The following DRC11L variants were observed in gnomAD, a reference collection of about 807,000 sequenced individuals.
DRC11L encodes the protein dynein regulatory complex subunit like-11.
the DRC11L span, chr7:151,196,430 C>G: frequency 2.5e-6 from 1 of 399,022 alleles, no homozygotes; most frequent in Non-Finnish European, 4.4e-6. Context: ...CAGGGAAGCC[C>G]TGACCCTGTG....
chr7:151,201,643 T>C, the DRC11L span, among the ~76,000 whole-genome samples: 1 of 152,280 alleles, frequency 6.6e-6, no homozygotes, highest in East Asian at 1.9e-4. This position sits in a 1 kb window ranked among gnomAD's most constrained non-coding sequence, Gnocchi z 4.1. Flanking sequence ...AAGTTCTAAG[T>C]TTTCTCTAGT....
chr7:151,201,411 C>T, the DRC11L span, among the ~76,000 whole-genome samples: 2 of 152,214 alleles, frequency 1.3e-5, no homozygotes, highest in South Asian at 2.1e-4. The surrounding 1 kb of genome is among the most constrained non-coding windows in gnomAD (Gnocchi z 4.1). Context: ...AAGTGGGACT[C>T]CATCTTTGGG....
chr7:151,198,718 G>C, the DRC11L span: 1 of 398,436 alleles, frequency 2.5e-6, no homozygotes, highest in African/African-American at 2.1e-5. Context: ...CCCATGCAGG[G>C]GATGGGGCAG....
chr7:151,198,572 T>C, the DRC11L span, among the ~76,000 whole-genome samples: 19 of 152,172 alleles, frequency 1.2e-4, no homozygotes, highest in South Asian at 3.9e-3. Flanking sequence ...TTCTCTCCCT[T>C]GTGGAATTGA....
the DRC11L span, chr7:151,194,562 A>G: frequency 2.5e-6 from 1 of 399,566 alleles, no homozygotes; most frequent in South Asian, 1.3e-4. Flanking sequence ...TTAGAAGGCC[A>G]GAAATAACAA....
At chr7:151,190,910 C>T in the DRC11L span, 1 of 399,172 alleles carries the variant, frequency 2.5e-6, no homozygotes, top group East Asian at 3.6e-5. Context: ...TGCCTCTGCC[C>T]CATCCCTTTA....
chr7:151,202,400 T>C, the DRC11L span, among the ~76,000 whole-genome samples: 1 of 152,346 alleles, frequency 6.6e-6, no homozygotes, highest in East Asian at 1.9e-4. Context: ...TGTTCTATGC[T>C]ATTATGGATC....
chr7:151,194,172 C>T, the DRC11L span: 6 of 395,902 alleles, frequency 1.5e-5, no homozygotes, highest in African/African-American at 8.2e-5. Flanking sequence ...ACATGTCCAC[C>T]TCAGCCACCC....
the DRC11L span, chr7:151,195,739 G>A: frequency 5.0e-6 from 2 of 398,804 alleles, no homozygotes; most frequent in East Asian, 7.1e-5. Flanking sequence ...GCAGGGATGG[G>A]AAGGAGGGGA....
the DRC11L span, among the ~76,000 whole-genome samples, chr7:151,194,836 G>A: frequency 6.6e-6 from 1 of 152,240 alleles, no homozygotes; most frequent in African/African-American, 2.4e-5. Context: ...CTCTGTAAGA[G>A]GGGTGTGAGG....
chr7:151,205,472 G>A, the DRC11L span: 5 of 398,972 alleles, frequency 1.3e-5, no homozygotes, highest in African/African-American at 6.2e-5. Flanking sequence ...ACTCCTCCAC[G>A]CTGCCCCTTG....
the DRC11L span, among the ~76,000 whole-genome samples, chr7:151,192,098 G>C: frequency 6.6e-6 from 1 of 152,198 alleles, no homozygotes; most frequent in South Asian, 2.1e-4. Flanking sequence ...GGAGGACATA[G>C]ACCACCTGCT....
chr7:151,198,372 G>A, the DRC11L span, among the ~76,000 whole-genome samples: 4 of 151,964 alleles, frequency 2.6e-5, no homozygotes, highest in East Asian at 1.9e-4. Flanking sequence ...TTGGGTAGAC[G>A]GGTGAGTGGA....
the DRC11L span, chr7:151,193,051 T>A: frequency 5.0e-6 from 2 of 397,238 alleles, no homozygotes; most frequent in African/African-American, 4.1e-5. Context: ...GGGAGCTGCA[T>A]ATTCAGTCTC....
chr7:151,191,738 C>T, the DRC11L span: 12 of 399,290 alleles, frequency 3.0e-5, no homozygotes, highest in African/African-American at 1.0e-4. Flanking sequence ...TTGCAGGAAC[C>T]GCCGCTCACT....
At chr7:151,200,874 T>C in the DRC11L span, among the ~76,000 whole-genome samples, 1 of 152,168 alleles carries the variant, frequency 6.6e-6, no homozygotes, top group Non-Finnish European at 1.5e-5. Context: ...TCCTACATTT[T>C]TGACCCAAGG....
the DRC11L span, chr7:151,197,122 A>G: frequency 2.7e-6 from 1 of 366,846 alleles, no homozygotes; most frequent in South Asian, 1.5e-4. Context: ...CCCTAATCTT[A>G]CCTGAACCCA....
At chr7:151,201,737 G>T in the DRC11L span, among the ~76,000 whole-genome samples, 2 of 152,154 alleles carry the variant, frequency 1.3e-5, no homozygotes, top group Non-Finnish European at 2.9e-5. This position sits in a 1 kb window ranked among gnomAD's most constrained non-coding sequence, Gnocchi z 4.1. Flanking sequence ...GAGAAAGAGG[G>T]CCCACCCCAG....
At chr7:151,199,877 T>TTC in the DRC11L span, among the ~76,000 whole-genome samples, 39 of 152,192 alleles carry the variant, frequency 2.6e-4, no homozygotes, top group Non-Finnish European at 4.6e-4. This position sits in a 1 kb window ranked among gnomAD's most constrained non-coding sequence, Gnocchi z 5.2. Flanking sequence ...GAACAGGGGA[T>TTC]AGACAGATTC....
Sources: gnomAD v4.1 joint callset for allele counts (sites outside exome capture counted in the v4.1 genomes callset) on GRCh38, gnomAD v4.1.1 for gene constraint, Gnocchi (gnomAD v3.1) non-coding constraint, MANE v1.5 for transcripts, NCBI Gene and HGNC (gene_info 2026-07-23, HGNC 2026-07-21) for gene names.